The following GPR149 variants were observed in gnomAD, a reference collection of about 807,000 sequenced individuals.
GPR149 encodes G protein-coupled receptor 149, also known as probable G protein-coupled receptor 149.
A neutral mutation model predicts 50.2 loss-of-function variants in GPR149; 50 were observed. That is an observed-to-expected ratio of 1.00 (90% CI 0.79 to 1.26). GPR149 has a LOEUF of 1.26. Ranked by LOEUF, GPR149 falls within the 50% of genes most tolerant of loss-of-function variation. The probability of loss-of-function intolerance (pLI) is 0.00; values close to 1 mark genes in which losing one functional copy is unlikely to be tolerated. For missense variants in GPR149, 983 were observed against 895.4 expected (o/e 1.10, Z -1.25); for synonymous variants, 405 against 358.2 (o/e 1.13, Z -1.48).
rs1310975735 is a variant in GPR149 at position 154,421,416 on chromosome 3, C to A, written c.1246G>T (p.Asp416Tyr). Residue 416 changes from aspartate to tyrosine, a missense_variant, in exon 3 of 4, where the codon GAT (aspartate) becomes TAT (tyrosine). Coordinates refer to ENST00000389740, the MANE Select transcript of GPR149 (RefSeq NM_001038705.3). ...GAATTTTCATCATCATCATAGTAATCTTCATGTGCTATTTTATAAATCCCA... is the reference window on the plus strand; with the variant it reads ...GAATTTTCATCATCATCATAGTAATATTCATGTGCTATTTTATAAATCCCA... ...SYGIYKIAHE[D>Y]YYDDDENSIF... 2 of 1,608,648 alleles carry A rather than the reference C, an allele frequency of 1.2e-6. No individual in the cohort carries two copies. The highest frequency in any genetic ancestry group is 2.2e-5 in the East Asian group (1 of 44,830).
chr3:154,397,901 T>C (rs975723000), intron 3 of GPR149, among the ~76,000 whole-genome samples: 1 of 152,086 alleles, frequency 6.6e-6, no homozygotes, highest in Non-Finnish European at 1.5e-5. Flanking sequence ...TATTGTCAGT[T>C]GTAACTACAG....
chr3:154,349,154 A>T (rs551897045), intron 3 of GPR149, among the ~76,000 whole-genome samples: 17 of 152,284 alleles, frequency 1.1e-4, no homozygotes, highest in Middle Eastern at 3.4e-3. Context: ...TACATTAGAA[A>T]AGAGTAATAG....
chr3:154,429,351 T>C lies in GPR149; in HGVS notation c.265A>G (p.Met89Val), dbSNP rs758606538. 2.5e-6 allele frequency: 4 copies of C among 1,614,030 alleles called. No homozygotes were observed. The highest frequency in any genetic ancestry group is 3.4e-6 in the Non-Finnish European group (4 of 1,180,044). ...LMSVLSVTIF[M>V]FLQWPNEVPG... is the part of the protein sequence containing the mutation. ...ACCTCGTTTGGCCACTGCAAAAACATGAAGATGGTCACCGACAGGACGCTC... is the reference window on the plus strand; with the variant it reads ...ACCTCGTTTGGCCACTGCAAAAACACGAAGATGGTCACCGACAGGACGCTC... The change falls in exon 1 of 4, where the codon ATG (methionine) becomes GTG (valine). Residue 89 changes from methionine to valine, a missense_variant. Met to Val is a conservative substitution (Grantham distance 21). Transcript: ENST00000389740.
intron 3 of GPR149, among the ~76,000 whole-genome samples, chr3:154,393,170 C>A (rs985914498): frequency 3.3e-5 from 5 of 151,828 alleles, no homozygotes; most frequent in African/African-American, 1.2e-4. Flanking sequence ...ACCATAGATG[C>A]AAAAATCCTC....
intron 3 of GPR149, among the ~76,000 whole-genome samples, chr3:154,357,569 G>T (rs1714269518): frequency 6.6e-6 from 1 of 152,180 alleles, no homozygotes; most frequent in Non-Finnish European, 1.5e-5. Context: ...TCAGAGAAAT[G>T]AAAATCAAAA....
rs868375014 is a variant in GPR149 at position 154,379,169 on chromosome 3, A to G, written c.1624-40898T>C. Among the ~76,000 whole-genome samples the G allele has an allele frequency of 9.6e-4, 2 of 2,084 alleles. 1 individual carries two copies. Among genetic ancestry groups the G allele is most frequent in the Non-Finnish European group, 2.2e-3 (2 of 924 alleles). The allele number at this position is 2,084 out of a possible 152,430, so 1.4% of individuals were successfully genotyped here. On this transcript the variant is annotated intron_variant, in intron 3 of 3. Transcript: ENST00000389740. The stretch of plus-strand genomic sequence containing the variant: ...GCAGGAGAATGGCGTGAACCCGGGA[A>G]GCGGAGCTTGCAGTGAGCCGAGATT...
In GPR149 at chr3:154,421,319, A is replaced by G. The variant is rs772336518; in HGVS notation, c.1343T>C (p.Ile448Thr). ...TKDPQRDNRN[I>T]FNAIKVEIST... is the part of the protein sequence containing the mutation. ...GATTTCTACTTTTATAGCATTGAAG[A>G]TGTTACGGTTGTCTCTCTGAGGGTC... The change falls in exon 3 of 4, where the codon ATC becomes ACC. Residue 448 changes from isoleucine (I) to threonine (T), a missense_variant. Ile to Thr is a moderately conservative substitution (Grantham distance 89). Transcript: ENST00000389740. The G allele has an allele frequency of 3.3e-5, 54 of 1,613,204 alleles. 1 individual carries two copies. The Admixed American group carries it at 6.7e-4, about 20-fold the overall frequency.
chr3:154,412,299 A>ATGC (rs1474563106), intron 3 of GPR149, among the ~76,000 whole-genome samples: 5 of 152,114 alleles, frequency 3.3e-5, no homozygotes. Flanking sequence ...CAAGACAAGG[A>ATGC]TGCCCACTTT....
intron 3 of GPR149, among the ~76,000 whole-genome samples, chr3:154,406,519 A>T (rs1245408217): frequency 6.6e-6 from 1 of 152,252 alleles, no homozygotes; most frequent in African/African-American, 2.4e-5. Flanking sequence ...CAAGCTACAG[A>T]GTAGTTAAAT....
At chr3:154,385,269 A>G (rs1477879803) in intron 3 of GPR149, among the ~76,000 whole-genome samples, 1 of 152,160 alleles carries the variant, frequency 6.6e-6, no homozygotes, top group Non-Finnish European at 1.5e-5. Context: ...TTCATCCCCA[A>G]TCCCTGCGAA....
chr3:154,399,344 A>G (rs1715366950), intron 3 of GPR149, among the ~76,000 whole-genome samples: 1 of 152,236 alleles, frequency 6.6e-6, no homozygotes, highest in South Asian at 2.1e-4. Flanking sequence ...CAACTCTCAT[A>G]TAAAAGTTAA....
chr3:154,397,249 A>G (rs1715314383), intron 3 of GPR149, among the ~76,000 whole-genome samples: 1 of 152,212 alleles, frequency 6.6e-6, no homozygotes, highest in East Asian at 1.9e-4. Context: ...TCAAATTTTA[A>G]GAAGGGTCAG....
chr3:154,386,731 A>G (rs1453619815), intron 3 of GPR149, among the ~76,000 whole-genome samples: 1 of 152,230 alleles, frequency 6.6e-6, no homozygotes, highest in Non-Finnish European at 1.5e-5. Context: ...ATTAAGGACA[A>G]AAAAGGAAGC....
chr3:154,365,974 T>C (rs1576907928), intron 3 of GPR149, among the ~76,000 whole-genome samples: 1 of 152,340 alleles, frequency 6.6e-6, no homozygotes, highest in African/African-American at 2.4e-5. Flanking sequence ...GCACGCACTT[T>C]AAAACTGGTC....
At chr3:154,359,053 G>A (rs72998655) in intron 3 of GPR149, among the ~76,000 whole-genome samples, 1,990 of 151,916 alleles carry the variant, frequency 0.013, 45 homozygotes, top group African/African-American at 0.045. Flanking sequence ...GAAAAAAATC[G>A]TTTAACTCCA....
At chr3:154,372,824 C>T (rs952090423) in intron 3 of GPR149, among the ~76,000 whole-genome samples, 9 of 152,094 alleles carry the variant, frequency 5.9e-5, no homozygotes, top group African/African-American at 1.2e-4. Flanking sequence ...AGACCAAGTA[C>T]GTGGCTTGGG....
At chr3:154,389,447 C>A (rs548959330) in intron 3 of GPR149, among the ~76,000 whole-genome samples, 31 of 152,164 alleles carry the variant, frequency 2.0e-4, no homozygotes, top group Middle Eastern at 3.4e-3. Context: ...AAGGACAAGA[C>A]CATACATTCA....
chr3:154,409,051 G>A (rs1245534217), intron 3 of GPR149, among the ~76,000 whole-genome samples: 2 of 152,198 alleles, frequency 1.3e-5, no homozygotes, highest in African/African-American at 4.8e-5. Context: ...TCACATCACA[G>A]GACTCTTTGC....
At chr3:154,365,429 T>C (rs1292562244) in intron 3 of GPR149, among the ~76,000 whole-genome samples, 1 of 152,206 alleles carries the variant, frequency 6.6e-6, no homozygotes, top group African/African-American at 2.4e-5. Context: ...CCTCTATTCA[T>C]ACTAATTTCC....
Sources: allele counts gnomAD v4.1 joint callset (sites outside exome capture counted in the v4.1 genomes callset), GRCh38; gene constraint gnomAD v4.1.1; transcripts MANE v1.5; gene names NCBI Gene and HGNC (gene_info 2026-07-23, HGNC 2026-07-21).